Variants in IGFL2 observed in about 807,000 individuals in gnomAD.
IGFL2 encodes insulin growth factor-like family member 2.
A neutral mutation model predicts 13.9 loss-of-function variants in IGFL2; 7 were observed. The ratio of observed to expected loss-of-function variants is 0.51; its 90% CI spans 0.29 to 0.95. The LOEUF (loss-of-function observed/expected upper bound fraction) is 0.95, where lower values mean the gene tolerates loss of function less well. Among genes scored for constraint, IGFL2 ranks in the 40% least tolerant of loss-of-function variants. IGFL2 has a pLI of 0.08. For synonymous variants in IGFL2, 55 were observed against 55.8 expected (o/e 0.99, Z 0.07); for missense variants, 138 against 147.8 (o/e 0.93, Z 0.34).
chr19:46,081,371 C>G, the IGFL2 span, among the ~76,000 whole-genome samples: 3 of 152,180 alleles, frequency 2.0e-5, no homozygotes, highest in Admixed American at 2.0e-4. Flanking sequence ...GTTGCATAGC[C>G]TTAATAAAAT....
the IGFL2 span, chr19:46,137,205 C>G: frequency 1.3e-6 from 2 of 1,578,090 alleles, no homozygotes; most frequent in Non-Finnish European, 1.7e-6. Context: ...GAGCTTGTTT[C>G]AGAAATCTTG....
At chr19:46,149,707 A>G (rs531847678) in intron 1 of IGFL2, among the ~76,000 whole-genome samples, 1 of 152,180 alleles carries the variant, frequency 6.6e-6, no homozygotes, top group South Asian at 2.1e-4. Flanking sequence ...ATTTATTAGT[A>G]CTTCATTCCT....
downstream of IGFL2, among the ~76,000 whole-genome samples, chr19:46,161,501 T>G (rs1447976604): frequency 6.6e-6 from 1 of 152,204 alleles, no homozygotes; most frequent in Non-Finnish European, 1.5e-5. Flanking sequence ...TATTAATCTA[T>G]GTGCTTCTCT....
the IGFL2 span, among the ~76,000 whole-genome samples, chr19:46,103,328 G>A: frequency 1.1e-4 from 16 of 152,238 alleles, no homozygotes; most frequent in East Asian, 7.7e-4. Flanking sequence ...GCCAACAATC[G>A]TTTGTTAAAG....
chr19:46,133,053 G>C, the IGFL2 span, among the ~76,000 whole-genome samples: 1 of 152,150 alleles, frequency 6.6e-6, no homozygotes, highest in Non-Finnish European at 1.5e-5. Flanking sequence ...GGGAGGCAAG[G>C]AGGGCTGGCA....
chr19:46,198,921 A>G, the IGFL2 span, among the ~76,000 whole-genome samples: 11 of 152,304 alleles, frequency 7.2e-5, no homozygotes, highest in South Asian at 2.1e-4. Flanking sequence ...GAGTCATTCT[A>G]TTTATTCCTG....
At chr19:46,159,164 C>G (rs974816486) in intron 1 of IGFL2, 1 of 152,232 alleles carries the variant, frequency 6.6e-6, no homozygotes, top group African/African-American at 2.4e-5. Context: ...TGCCTGTGCA[C>G]TTCTGCTAGA....
At chr19:46,162,392 G>A (rs1028405698), downstream of IGFL2, among the ~76,000 whole-genome samples, 1 of 152,230 alleles carries the variant, frequency 6.6e-6, no homozygotes, top group Non-Finnish European at 1.5e-5. Context: ...TGTTTTCCAA[G>A]TTGTTTGCTT....
At chr19:46,199,182 C>T in the IGFL2 span, among the ~76,000 whole-genome samples, 5 of 152,210 alleles carry the variant, frequency 3.3e-5, no homozygotes, top group African/African-American at 9.6e-5. Context: ...GGCTCTGGTC[C>T]AGCCTGTGTC....
the IGFL2 span, among the ~76,000 whole-genome samples, chr19:46,184,433 G>GGA: frequency 5.0e-3 from 753 of 151,480 alleles, 3 homozygotes; most frequent in African/African-American, 0.017. Context: ...CCCCACCCCC[G>GGA]ACAGGCTCCG....
the IGFL2 span, among the ~76,000 whole-genome samples, chr19:46,119,479 TGGAGCCAG>T: frequency 6.6e-6 from 1 of 151,544 alleles, no homozygotes; most frequent in African/African-American, 2.4e-5. Flanking sequence ...ACCTACTGAC[TGGAGCCAG>T]GGTATGCTGC....
chr19:46,102,497 G>A, the IGFL2 span, among the ~76,000 whole-genome samples: 1 of 152,242 alleles, frequency 6.6e-6, no homozygotes, highest in South Asian at 2.1e-4. Context: ...AGGGTGTATA[G>A]TACAAAGTAC....
the IGFL2 span, among the ~76,000 whole-genome samples, chr19:46,125,123 A>T: frequency 3.3e-5 from 5 of 152,162 alleles, no homozygotes; most frequent in African/African-American, 7.2e-5. Flanking sequence ...TGTCTCTGGA[A>T]ATGTCAAGGG....
At chr19:46,125,041 C>T in the IGFL2 span, among the ~76,000 whole-genome samples, 1 of 152,144 alleles carries the variant, frequency 6.6e-6, no homozygotes, top group Non-Finnish European at 1.5e-5. Context: ...GAGAATGCTT[C>T]AGCCACTTCC....
chr19:46,128,708 G>T, the IGFL2 span, among the ~76,000 whole-genome samples: 2 of 152,164 alleles, frequency 1.3e-5, no homozygotes, highest in Non-Finnish European at 2.9e-5. Flanking sequence ...CTTGATCATG[G>T]TGGATTAGCT....
In IGFL2 at chr19:46,161,070, CAGA is replaced by C. The variant is rs758415331; in HGVS notation, c.346_348del (p.Arg117del). On this transcript the variant is annotated inframe_deletion and splice_region_variant, in exon 4 of 4. Coordinates refer to ENST00000377693, the MANE Select transcript of IGFL2 (RefSeq NM_001135113.2). ...TTTCTTGGTTTCTTTTTCTCTGTAG[CAGA>C]AGACGTTTTCCCTGAGAAGACATAG... The C allele has an allele frequency of 7.5e-6, 12 of 1,589,428 alleles. No individual in the cohort carries two copies. The highest frequency in any genetic ancestry group is 1.8e-5 in the Admixed American group (1 of 55,686).
chr19:46,193,430 G>T, the IGFL2 span, among the ~76,000 whole-genome samples: 602 of 152,162 alleles, frequency 4.0e-3, 3 homozygotes, highest in African/African-American at 0.012. Flanking sequence ...TCTCAAGAGG[G>T]CTTTCTTTAT....
the IGFL2 span, among the ~76,000 whole-genome samples, chr19:46,178,392 A>C: frequency 6.6e-6 from 1 of 152,234 alleles, no homozygotes; most frequent in Non-Finnish European, 1.5e-5. Flanking sequence ...CCAGCCCTGA[A>C]GGAAATCAAA....
At chr19:46,205,623 GT>G in the IGFL2 span, among the ~76,000 whole-genome samples, 1 of 146,592 alleles carries the variant, frequency 6.8e-6, no homozygotes, top group Non-Finnish European at 1.5e-5. Context: ...AGAGAGAGCT[GT>G]TCTTCTTTCT....
Sources: gnomAD v4.1 joint callset for allele counts (sites outside exome capture counted in the v4.1 genomes callset) on GRCh38, gnomAD v4.1.1 for gene constraint, MANE v1.5 for transcripts, NCBI Gene and HGNC (gene_info 2026-07-23, HGNC 2026-07-21) for gene names.